Variants in MED24 observed in about 807,000 individuals in gnomAD.
MED24 encodes mediator of RNA polymerase II transcription subunit 24.
A neutral mutation model predicts 118.8 loss-of-function variants in MED24; 74 were observed. The ratio of observed to expected loss-of-function variants is 0.62; its 90% CI spans 0.52 to 0.76. The LOEUF (loss-of-function observed/expected upper bound fraction) is 0.76. Among genes scored for constraint, MED24 ranks in the 30% least tolerant of loss-of-function variants. MED24 has a pLI of 0.00. For synonymous variants in MED24, 521 were observed against 523.9 expected (o/e 0.99, Z 0.08); for missense variants, 1,041 against 1,278.9 (o/e 0.81, Z 2.84).
chr17:40,037,491 T>C (rs527820205), intron 3 of MED24, among the ~76,000 whole-genome samples: 1 of 152,254 alleles, frequency 6.6e-6, no homozygotes, highest in African/African-American at 2.4e-5. Flanking sequence ...ACAAACTTGA[T>C]GTTTGTAGAA....
At chr17:40,047,766 G>A (rs183923915) in intron 3 of MED24, among the ~76,000 whole-genome samples, 66 of 151,652 alleles carry the variant, frequency 4.4e-4, no homozygotes, top group African/African-American at 1.5e-3. Flanking sequence ...AGTTTTGCTC[G>A]TTGCCCAGGC....
chr17:40,032,600 G>T, intron 9 of MED24, 49 bp downstream of exon 9: 1 of 1,484,224 alleles, frequency 6.7e-7, no homozygotes, highest in Non-Finnish European at 9.4e-7. Flanking sequence ...CACTGGTCTT[G>T]CTAAGAACCA....
At chr17:40,034,935 G>C (rs1983769819) in intron 6 of MED24, 182 bp downstream of exon 6, 5 of 1,563,698 alleles carry the variant, frequency 3.2e-6, no homozygotes, top group Non-Finnish European at 4.3e-6. Flanking sequence ...GATTGGCTCG[G>C]GTGCCACCCT....
chr17:40,024,912 T>C (rs1982466671), intron 19 of MED24, among the ~76,000 whole-genome samples: 1 of 151,974 alleles, frequency 6.6e-6, no homozygotes, highest in Non-Finnish European at 1.5e-5. Context: ...ATTTTTATAT[T>C]TTTAGTAAGG....
rs189824593 is a variant in MED24 at position 40,053,224 on chromosome 17, C to G, written c.213+74G>C. 7.6e-3 allele frequency: 10,564 copies of G among 1,382,612 alleles called. 50 individuals are homozygous for G. Among genetic ancestry groups the G allele is most frequent in the Non-Finnish European group, 9.3e-3 (9,437 of 1,010,500 alleles). The allele number at this position is 1,382,612 out of a possible 1,614,324, so 85.6% of individuals were successfully genotyped here. A position where few individuals can be genotyped will look rare whatever the true frequency, so the allele number is the denominator to read the frequency against. On this transcript the variant is annotated intron_variant, in intron 3 of 25. Coordinates refer to ENST00000394128, the MANE Select transcript of MED24 (RefSeq NM_014815.4). ...TGCTGGGATTACAGCCATGAACCAC[C>G]GGGGCCCAAATGCACTCCAAGTTTT...
In MED24 at chr17:40,022,700, T is replaced by G. The variant is rs1982178995; in HGVS notation, c.2377A>C (p.Thr793Pro). ...AGGCTGTGCCACTTGGAGGAGTCAG[T>G]GAGCAGGCCAGGTAGGATGTGGCCC... ...LLGHILPGLLTDSSKWHSLMD... is the reference protein window; with the variant it reads ...LLGHILPGLLPDSSKWHSLMD... Residue 793 changes from threonine (T) to proline (P), a missense_variant, in exon 21 of 26, where the codon ACT becomes CCT. Around this residue, in one of 3 missense-constraint regions of MED24, gnomAD observed 587 missense variants for 694.4 expected, o/e 0.85. Transcript: ENST00000394128. 6.2e-7 allele frequency: 1 copy of G among 1,613,726 alleles called. No homozygotes were observed. Among genetic ancestry groups the G allele is most frequent in the Admixed American group, 1.7e-5 (1 of 59,986 alleles).
chr17:40,042,853 C>T (rs1351335644), intron 3 of MED24, among the ~76,000 whole-genome samples: 1 of 152,158 alleles, frequency 6.6e-6, no homozygotes, highest in Non-Finnish European at 1.5e-5. Context: ...ATCCTCATAC[C>T]ACAATAAATT....
chr17:40,044,428 G>A (rs1984927705), intron 3 of MED24, among the ~76,000 whole-genome samples: 1 of 152,016 alleles, frequency 6.6e-6, no homozygotes, highest in South Asian at 2.1e-4. Context: ...GCTGAGGCAG[G>A]AGAATTGCTT....
intron 3 of MED24, among the ~76,000 whole-genome samples, chr17:40,045,636 T>C (rs1216380102): frequency 6.6e-6 from 1 of 151,502 alleles, no homozygotes; most frequent in Non-Finnish European, 1.5e-5. Flanking sequence ...AATGCAAAAA[T>C]TGGCCGGGTG....
intron 3 of MED24, among the ~76,000 whole-genome samples, chr17:40,037,351 C>G (rs1040246743): frequency 1.3e-5 from 2 of 152,132 alleles, no homozygotes; most frequent in African/African-American, 2.4e-5. Context: ...CAACCTCCCC[C>G]ACAAAGCTGA....
At chr17:40,030,356 C>T (rs1224300040) in intron 12 of MED24, among the ~76,000 whole-genome samples, 1 of 151,730 alleles carries the variant, frequency 6.6e-6, no homozygotes. Context: ...AATGCAGTGG[C>T]GCGATCTCAG....
Position 40,026,880 on chromosome 17 carries a change from T to C in MED24, c.1685A>G (p.Asn562Ser). ...TKVESLVALL[N>S]NSSEMKLVQM... ...CACTAGCTTCATCTCCGAGGAGTTGTTGAGCAGGGCCACCAGGGACTCCAC... is the reference window on the plus strand; with the variant it reads ...CACTAGCTTCATCTCCGAGGAGTTGCTGAGCAGGGCCACCAGGGACTCCAC... The change falls in exon 17 of 26, where the codon AAC becomes AGC. Residue 562 changes from asparagine to serine, a missense_variant. By Grantham distance (46) the Asn-to-Ser change is conservative. This residue lies in a region of MED24 where 587 missense variants were observed against 694.4 expected (regional missense o/e 0.85). Coordinates refer to ENST00000394128, the MANE Select transcript of MED24 (RefSeq NM_014815.4). The C allele has an allele frequency of 5.0e-6, 8 of 1,613,522 alleles. No individual in the cohort carries two copies. The highest frequency in any genetic ancestry group is 6.8e-6 in the Non-Finnish European group (8 of 1,179,732).
chr17:40,039,372 C>G (rs192122301), intron 3 of MED24, among the ~76,000 whole-genome samples: 1 of 152,194 alleles, frequency 6.6e-6, no homozygotes, highest in Admixed American at 6.5e-5. Context: ...GTGTGGCCAC[C>G]ATGCTTGTGG....
Position 40,032,682 on chromosome 17 carries a change from C to T in MED24, c.903G>A (p.Glu301=). ...AAGTGAAAGCTGTCCACTTGAGCTC[C>T]TCCGTACCCTCGGGAGACTCAATGA... is the stretch of plus-strand genomic sequence containing the variant. The part of the protein sequence containing the change: ...VGLIESPEGT[E]ELKWTAFTFL... The change falls in exon 9 of 26, where the codon GAG becomes GAA. Residue 301 remains glutamate, a synonymous_variant. Coordinates refer to ENST00000394128, the MANE Select transcript of MED24 (RefSeq NM_014815.4). The T allele has an allele frequency of 6.2e-7, 1 of 1,613,858 alleles. No homozygotes were observed. Among genetic ancestry groups the T allele is most frequent in the Non-Finnish European group, 8.5e-7 (1 of 1,179,922 alleles).
Position 40,026,234 on chromosome 17 carries a change from C to T in MED24, c.1907G>A (p.Arg636His), listed in dbSNP as rs759086430. 9.3e-6 allele frequency: 15 copies of T among 1,614,200 alleles called. No homozygotes were observed. The highest frequency in any genetic ancestry group is 1.7e-5 in the Admixed American group (1 of 60,026). The change falls in exon 19 of 26, where the codon CGT (arginine) becomes CAT (histidine). Residue 636 changes from arginine to histidine, a missense_variant. Around this residue, in one of 3 missense-constraint regions of MED24, gnomAD observed 587 missense variants for 694.4 expected, o/e 0.85. Coordinates refer to ENST00000394128, the MANE Select transcript of MED24 (RefSeq NM_014815.4). ...GCGGATCATCTGCAGCGACTTCTCA[C>T]GCTCATCCAGCCCCAGCATCCGGAC... ...AHVRMLGLDE[R>H]EKSLQMIRQL...
At chr17:40,044,966 A>G (rs948206019) in intron 3 of MED24, among the ~76,000 whole-genome samples, 11 of 152,136 alleles carry the variant, frequency 7.2e-5, no homozygotes, top group Admixed American at 2.0e-4. Context: ...ACCTAATCCA[A>G]TCATTTTCAG....
chr17:40,020,444 A>G (rs1211266383), intron 23 of MED24, 91 bp from the exon 24 acceptor site: 2 of 1,546,864 alleles, frequency 1.3e-6, no homozygotes, highest in Non-Finnish European at 1.7e-6. Context: ...ACCTTCACCC[A>G]TCGGAGGTAA....
intron 10 of MED24, 141 bp from the exon 11 acceptor site, chr17:40,031,761 C>T (rs1035576533): frequency 1.5e-5 from 12 of 805,872 alleles, no homozygotes; most frequent in South Asian, 6.8e-5. Flanking sequence ...TGTGGGTGCA[C>T]GCAGACGCTG....
intron 12 of MED24, among the ~76,000 whole-genome samples, 175 bp from the exon 13 acceptor site, chr17:40,030,034 G>C (rs1443987253): frequency 6.6e-6 from 1 of 152,198 alleles, no homozygotes; most frequent in Non-Finnish European, 1.5e-5. Flanking sequence ...CACTGATTTA[G>C]CATTAGTCTT....
Sources: allele counts gnomAD v4.1 joint callset (sites outside exome capture counted in the v4.1 genomes callset), GRCh38; gene constraint gnomAD v4.1.1; regional missense constraint gnomAD v4.1.1; transcripts MANE v1.5; gene names NCBI Gene and HGNC (gene_info 2026-07-23, HGNC 2026-07-21).